CNTN4: variants seen among roughly 807,000 people sequenced by gnomAD.
CNTN4 encodes contactin 4.
Under a neutral mutation model 122.5 loss-of-function variants are expected in CNTN4, and 77 were observed. The ratio of observed to expected loss-of-function variants is 0.63; its 90% CI spans 0.52 to 0.76. CNTN4 has a LOEUF of 0.76. CNTN4 is among the 30% of genes least tolerant of loss of function. CNTN4 has a pLI of 0.00. For missense variants in CNTN4, 1,256 were observed against 1,259.1 expected (o/e 1.00, Z 0.04); for synonymous variants, 512 against 447.0 (o/e 1.15, Z -1.83).
At chr3:2,266,681 C>G (rs2041063779) in intron 2 of CNTN4, among the ~76,000 whole-genome samples, 1 of 152,028 alleles carries the variant, frequency 6.6e-6, no homozygotes, top group Non-Finnish European at 1.5e-5. Flanking sequence ...ATAATGTCTT[C>G]TATGCAAACC....
chr3:3,035,706 G>GC (rs1469159804), intron 17 of CNTN4, among the ~76,000 whole-genome samples: 1 of 152,032 alleles, frequency 6.6e-6, no homozygotes, highest in Non-Finnish European at 1.5e-5. Context: ...ACAGGCGCAG[G>GC]CCCCCACACC....
intron 4 of CNTN4, among the ~76,000 whole-genome samples, chr3:2,712,138 G>T (rs996622142): frequency 6.6e-6 from 1 of 152,080 alleles, no homozygotes; most frequent in Non-Finnish European, 1.5e-5. Flanking sequence ...TGTTATCAGT[G>T]CAAAACTTGA....
At chr3:2,272,949 G>T (rs2041359611) in intron 2 of CNTN4, among the ~76,000 whole-genome samples, 5 of 152,000 alleles carry the variant, frequency 3.3e-5, no homozygotes, top group Admixed American at 3.3e-4. Context: ...TCTCCTTAGG[G>T]TTAAGTATGT....
intron 13 of CNTN4, among the ~76,000 whole-genome samples, chr3:2,966,027 T>A (rs1329017298): frequency 1.3e-5 from 2 of 152,104 alleles, no homozygotes; most frequent in East Asian, 1.9e-4. Flanking sequence ...CACCAGACTG[T>A]GAATTTCCTA....
intron 3 of CNTN4, among the ~76,000 whole-genome samples, chr3:2,560,467 C>T (rs2078905263): frequency 6.6e-6 from 1 of 152,098 alleles, no homozygotes; most frequent in African/African-American, 2.4e-5. Context: ...AAGAGAATGA[C>T]TTCTGACTTC....
intron 2 of CNTN4, among the ~76,000 whole-genome samples, chr3:2,244,067 A>G (rs2040045647): frequency 6.6e-6 from 1 of 152,074 alleles, no homozygotes; most frequent in African/African-American, 2.4e-5. Context: ...CTCCAAGTAG[A>G]TGCCTGCAGA....
intron 13 of CNTN4, among the ~76,000 whole-genome samples, chr3:2,929,326 G>C (rs556156422): frequency 6.6e-6 from 1 of 152,262 alleles, no homozygotes; most frequent in Non-Finnish European, 1.5e-5. Context: ...TTAGTTTTTA[G>C]ACAGAAGGTA....
At position 2,748,733 on chromosome 3, in the gene CNTN4, A is replaced by G. The variant is rs1316725504; in HGVS notation, c.358+3036A>G. 2.0e-5 allele frequency among the ~76,000 whole-genome samples: 3 copies of G among 152,166 alleles called. No individual in the cohort carries two copies. The South Asian group carries it at 6.2e-4, about 32-fold the overall frequency. The stretch of plus-strand genomic sequence containing the variant: ...TATTGTTTCTGCAACATCCAGTCCT[A>G]CCTGCTCCGTCTGCATCGTCTTGAG... On this transcript the variant is annotated intron_variant, in intron 6 of 24. Transcript: ENST00000418658.
At chr3:2,104,335 C>G (rs1559244414) in intron 2 of CNTN4, among the ~76,000 whole-genome samples, 1 of 151,798 alleles carries the variant, frequency 6.6e-6, no homozygotes, top group Non-Finnish European at 1.5e-5. Context: ...ATGTTTTCAG[C>G]CAAATTCCAC....
intron 2 of CNTN4, among the ~76,000 whole-genome samples, chr3:2,142,769 A>G (rs2035062354): frequency 6.6e-6 from 1 of 152,262 alleles, no homozygotes; most frequent in East Asian, 1.9e-4. Context: ...GAGGAGGAGA[A>G]GAAAGAAGCA....
intron 6 of CNTN4, among the ~76,000 whole-genome samples, chr3:2,794,196 A>G (rs898302831): frequency 6.6e-6 from 1 of 152,194 alleles, no homozygotes; most frequent in African/African-American, 2.4e-5. Context: ...TAAATCATGA[A>G]AGAAATGTTT....
At chr3:2,880,785 T>A (rs991820794) in intron 8 of CNTN4, among the ~76,000 whole-genome samples, 2 of 152,224 alleles carry the variant, frequency 1.3e-5, no homozygotes, top group Non-Finnish European at 2.9e-5. Context: ...CAACACCGAC[T>A]GGTTTTCTGT....
intron 3 of CNTN4, among the ~76,000 whole-genome samples, chr3:2,341,178 C>G (rs2150367134): frequency 6.6e-6 from 1 of 152,178 alleles, no homozygotes; most frequent in East Asian, 1.9e-4. Context: ...AATGTATTTC[C>G]TTTATGAATA....
intron 6 of CNTN4, among the ~76,000 whole-genome samples, chr3:2,767,982 G>T (rs1041575999): frequency 2.0e-5 from 3 of 152,162 alleles, no homozygotes; most frequent in East Asian, 1.9e-4. Flanking sequence ...AAATGGTGAG[G>T]CTAGAAAACA....
At chr3:2,301,211 A>T (rs559747784) in intron 2 of CNTN4, among the ~76,000 whole-genome samples, 104 of 152,288 alleles carry the variant, frequency 6.8e-4, no homozygotes, top group African/African-American at 2.4e-3. Flanking sequence ...AGAAGAAAAA[A>T]CTTTGTTAGC....
chr3:2,621,626 C>T (rs1419572018), intron 4 of CNTN4, among the ~76,000 whole-genome samples: 1 of 151,926 alleles, frequency 6.6e-6, no homozygotes, highest in Non-Finnish European at 1.5e-5. Flanking sequence ...TGCACATGTA[C>T]CCCAGAACTT....
At chr3:2,384,721 T>C (rs755628235) in intron 3 of CNTN4, among the ~76,000 whole-genome samples, 6 of 151,986 alleles carry the variant, frequency 3.9e-5, no homozygotes, top group Non-Finnish European at 8.8e-5. Context: ...CACATGTAAA[T>C]TTGTCCCTGG....
intron 6 of CNTN4, among the ~76,000 whole-genome samples, chr3:2,814,875 AG>A (rs2150181450): frequency 6.6e-6 from 1 of 152,384 alleles, no homozygotes; most frequent in South Asian, 2.1e-4. Context: ...AGATCAAATA[AG>A]AAAAGTACTT....
At chr3:3,018,866 G>C (rs1020683492) in intron 14 of CNTN4, among the ~76,000 whole-genome samples, 1 of 152,096 alleles carries the variant, frequency 6.6e-6, no homozygotes, top group Non-Finnish European at 1.5e-5. Context: ...AGGAAAAAAA[G>C]TATAATGTGA....
Sources: allele counts gnomAD v4.1 joint callset (sites outside exome capture counted in the v4.1 genomes callset), GRCh38; gene constraint gnomAD v4.1.1; transcripts MANE v1.5; gene names NCBI Gene and HGNC (gene_info 2026-07-23, HGNC 2026-07-21).